Variants in PINX1 observed in about 807,000 individuals in gnomAD.
PINX1 encodes PIN2 (TERF1) interacting telomerase inhibitor 1, also known as PIN2/TERF1-interacting telomerase inhibitor 1.
PINX1 carries 34 observed loss-of-function variants against 25.4 expected under a neutral mutation model. That is an observed-to-expected ratio of 1.34 (90% CI 1.02 to 1.78). The LOEUF (loss-of-function observed/expected upper bound fraction) is 1.78. PINX1 is among the 40% of genes most tolerant of loss of function. The pLI, the probability that PINX1 is intolerant of heterozygous loss-of-function variation, is 0.00. For synonymous variants in PINX1, 197 were observed against 147.7 expected (o/e 1.33, Z -2.42); for missense variants, 592 against 404.9 (o/e 1.46, Z -3.97).
chr8:10,808,499 T>C (rs112832092), intron 6 of PINX1, among the ~76,000 whole-genome samples: 3,646 of 152,326 alleles, frequency 0.024, 142 homozygotes, highest in African/African-American at 0.079. Flanking sequence ...CTATGAGTCA[T>C]TGTTCAAATG....
intron 6 of PINX1, among the ~76,000 whole-genome samples, chr8:10,780,053 T>C (rs1431196254): frequency 6.6e-6 from 1 of 152,208 alleles, no homozygotes; most frequent in Non-Finnish European, 1.5e-5. Context: ...ATACCAGAGA[T>C]TTTTGTATGT....
At chr8:10,797,057 C>CT (rs1345811884) in intron 6 of PINX1, among the ~76,000 whole-genome samples, 1 of 152,058 alleles carries the variant, frequency 6.6e-6, no homozygotes, top group Non-Finnish European at 1.5e-5. Flanking sequence ...GATCCACTCT[C>CT]TGTCTCCCCT....
chr8:10,800,661 G>T (rs1802237624), intron 6 of PINX1, among the ~76,000 whole-genome samples: 1 of 151,970 alleles, frequency 6.6e-6, no homozygotes, highest in Non-Finnish European at 1.5e-5. Flanking sequence ...GTAGAGATGG[G>T]GTTTCACCAC....
chr8:10,785,649 G>C (rs1237158688), intron 6 of PINX1, among the ~76,000 whole-genome samples: 2 of 152,158 alleles, frequency 1.3e-5, no homozygotes, highest in Non-Finnish European at 2.9e-5. Flanking sequence ...TAGAACAAAA[G>C]TTCTCAAACC....
intron 6 of PINX1, among the ~76,000 whole-genome samples, chr8:10,804,366 C>T (rs2129080735): frequency 6.6e-6 from 1 of 152,316 alleles, no homozygotes; most frequent in African/African-American, 2.4e-5. Flanking sequence ...AAAGAGGCAG[C>T]AGCAGAGTGG....
intron 6 of PINX1, among the ~76,000 whole-genome samples, chr8:10,780,099 A>G (rs1190882239): frequency 2.6e-5 from 4 of 152,254 alleles, no homozygotes; most frequent in Admixed American, 6.5e-5. Context: ...GCATTCATTT[A>G]GTTCTAACAG....
intron 6 of PINX1, among the ~76,000 whole-genome samples, chr8:10,801,459 G>C (rs1802262125): frequency 6.6e-6 from 1 of 152,220 alleles, no homozygotes; most frequent in African/African-American, 2.4e-5. Context: ...CAAGTGAGGA[G>C]GAAGAAGATC....
intron 6 of PINX1, among the ~76,000 whole-genome samples, chr8:10,788,245 T>C (rs1801814874): frequency 6.6e-6 from 1 of 152,164 alleles, no homozygotes; most frequent in Non-Finnish European, 1.5e-5. Flanking sequence ...ACATGTAAAG[T>C]TCTCCATAAG....
chr8:10,795,602 T>G (rs1003082461), intron 6 of PINX1, among the ~76,000 whole-genome samples: 1 of 152,224 alleles, frequency 6.6e-6, no homozygotes, highest in African/African-American at 2.4e-5. Context: ...GGTTTCACCA[T>G]GTTGGCCAGG....
At chr8:10,766,066 C>G (rs955878615) in intron 6 of PINX1, 150 bp from the exon 7 acceptor site, 1 of 736,386 alleles carries the variant, frequency 1.4e-6, no homozygotes, top group Non-Finnish European at 2.3e-6. Flanking sequence ...GGAGACAAGG[C>G]TGAGTGACAC....
intron 1 of PINX1, among the ~76,000 whole-genome samples, chr8:10,839,029 C>G (rs1798488975): frequency 6.6e-6 from 1 of 152,172 alleles, no homozygotes; most frequent in Non-Finnish European, 1.5e-5. Flanking sequence ...GCAGGACCCG[C>G]TTTTCAGGAT....
chr8:10,774,567 C>G (rs1413175986), intron 6 of PINX1, among the ~76,000 whole-genome samples: 4 of 152,220 alleles, frequency 2.6e-5, no homozygotes, highest in Admixed American at 2.6e-4. Context: ...AGGCGTGAGC[C>G]ACCGTGCCCA....
At chr8:10,807,330 C>G (rs867016846) in intron 6 of PINX1, among the ~76,000 whole-genome samples, 1 of 89,092 alleles carries the variant, frequency 1.1e-5, no homozygotes, top group African/African-American at 4.6e-5. Flanking sequence ...CCCCCCCACC[C>G]CCCCCCCCAC....
At chr8:10,792,093 G>C (rs1248078927) in intron 6 of PINX1, among the ~76,000 whole-genome samples, 2 of 152,176 alleles carry the variant, frequency 1.3e-5, no homozygotes, top group Admixed American at 6.5e-5. Flanking sequence ...ATTGGAGTCT[G>C]AGTCTCTGGA....
chr8:10,836,059 G>C (rs1276229914), intron 1 of PINX1, among the ~76,000 whole-genome samples: 1 of 152,074 alleles, frequency 6.6e-6, no homozygotes, highest in Non-Finnish European at 1.5e-5. Context: ...TAAGCACATT[G>C]TCTCACCATC....
intron 6 of PINX1, among the ~76,000 whole-genome samples, chr8:10,778,357 C>G (rs754854586): frequency 6.6e-6 from 1 of 152,030 alleles, no homozygotes; most frequent in African/African-American, 2.4e-5. Flanking sequence ...ACATCCCTCT[C>G]GTTTTTGCAA....
At chr8:10,830,642 T>C (rs1056321893) in intron 4 of PINX1, among the ~76,000 whole-genome samples, 3 of 152,032 alleles carry the variant, frequency 2.0e-5, no homozygotes, top group Admixed American at 6.6e-5. Flanking sequence ...TACAACAAAA[T>C]CCAATTAAAA....
intron 6 of PINX1, among the ~76,000 whole-genome samples, chr8:10,812,839 G>A (rs533519799): frequency 6.6e-6 from 1 of 152,342 alleles, no homozygotes; most frequent in Non-Finnish European, 1.5e-5. Context: ...ACACCGCCCA[G>A]CCTGCGCTCA....
intron 6 of PINX1, among the ~76,000 whole-genome samples, chr8:10,807,061 C>T (rs1182319732): frequency 6.6e-6 from 1 of 152,106 alleles, no homozygotes; most frequent in African/African-American, 2.4e-5. Context: ...GGGGGAAATC[C>T]TCCCTCATGA....
Sources: gnomAD v4.1 joint callset for allele counts (sites outside exome capture counted in the v4.1 genomes callset) on GRCh38, gnomAD v4.1.1 for gene constraint, MANE v1.5 for transcripts, NCBI Gene and HGNC (gene_info 2026-07-23, HGNC 2026-07-21) for gene names.